The following KLF13 variants were observed in gnomAD, a reference collection of about 807,000 sequenced individuals.
The protein encoded by KLF13 is Krueppel-like factor 13.
A neutral mutation model predicts 16.7 loss-of-function variants in KLF13; 8 were observed. That is an observed-to-expected ratio of 0.48 (90% CI 0.28 to 0.87). The LOEUF (loss-of-function observed/expected upper bound fraction) is 0.87, where lower values mean the gene tolerates loss of function less well. KLF13 is among the 40% of genes least tolerant of loss of function. The pLI, the probability that KLF13 is intolerant of heterozygous loss-of-function variation, is 0.10. For missense variants in KLF13, 447 were observed against 452.2 expected (o/e 0.99, Z 0.10); for synonymous variants, 245 against 208.4 (o/e 1.18, Z -1.51).
rs552671066 is a variant in KLF13, at chr15:31,415,571, C to G, written n.118-19799C>G. Among the ~76,000 whole-genome samples, 15 of 152,120 alleles carry G rather than the reference C, an allele frequency of 9.9e-5. No individual in the cohort carries two copies. The South Asian group carries it at 3.1e-3, about 32-fold the overall frequency. ...ACAAAGAAAAAATAAAAAGGGAAGTCAGAAAATAGATTGATGTGAGTGAAA... is the reference window on the plus strand; with the variant it reads ...ACAAAGAAAAAATAAAAAGGGAAGTGAGAAAATAGATTGATGTGAGTGAAA... On this transcript the variant is annotated intron_variant and non_coding_transcript_variant, in intron 1 of 1. Coordinates refer to the KLF13 transcript ENST00000558225.
intron 1 of KLF13, 77 bp from the exon 2 acceptor site, chr15:31,371,933 G>A: frequency 4.1e-6 from 6 of 1,469,576 alleles, no homozygotes; most frequent in Non-Finnish European, 5.5e-6. Flanking sequence ...GGTGTTGGGT[G>A]TTGCGGGCCC....
At chr15:31,369,703 C>T (rs562718148) in intron 1 of KLF13, among the ~76,000 whole-genome samples, 1 of 152,198 alleles carries the variant, frequency 6.6e-6, no homozygotes, top group Non-Finnish European at 1.5e-5. Flanking sequence ...GTCTCTGCCT[C>T]ACTCTTGTCA....
At chr15:31,333,643 T>C (rs956538282) in intron 1 of KLF13, among the ~76,000 whole-genome samples, 2 of 152,202 alleles carry the variant, frequency 1.3e-5, no homozygotes, top group East Asian at 1.9e-4. Context: ...TTAAATATTA[T>C]ATATTATCTG....
At chr15:31,333,170 C>T (rs1281046970) in intron 1 of KLF13, among the ~76,000 whole-genome samples, 1 of 152,244 alleles carries the variant, frequency 6.6e-6, no homozygotes, top group East Asian at 1.9e-4. Flanking sequence ...CTAATCTTCA[C>T]AAGGACCCTA....
chr15:31,350,989 G>A (rs186640975), intron 1 of KLF13, among the ~76,000 whole-genome samples: 148 of 152,330 alleles, frequency 9.7e-4, no homozygotes, highest in African/African-American at 3.2e-3. Flanking sequence ...ATGGACATCC[G>A]AGTAAGAGTT....
intron 1 of KLF13, among the ~76,000 whole-genome samples, chr15:31,387,507 T>C (rs2039807793): frequency 2.0e-5 from 3 of 152,264 alleles, no homozygotes; most frequent in Non-Finnish European, 2.9e-5. Context: ...ACATAACTTT[T>C]ATATGCACTG....
chr15:31,361,526 G>A (rs2039387759), intron 1 of KLF13, among the ~76,000 whole-genome samples: 1 of 152,110 alleles, frequency 6.6e-6, no homozygotes, highest in Admixed American at 6.5e-5. Context: ...AGCAGGGTGG[G>A]GTCCCTGCAG....
intron 2 of KLF13, among the ~76,000 whole-genome samples, chr15:31,400,920 G>A (rs1454697523): frequency 6.6e-6 from 1 of 152,194 alleles, no homozygotes; most frequent in Non-Finnish European, 1.5e-5. Context: ...GCACCTGGAA[G>A]CGTCGCATCG....
chr15:31,349,950 A>G (rs1016819080), intron 1 of KLF13, among the ~76,000 whole-genome samples: 5 of 152,258 alleles, frequency 3.3e-5, no homozygotes, highest in Admixed American at 3.3e-4. Flanking sequence ...TGGCGGAACC[A>G]AAAGTACTCA....
chr15:31,370,826 C>T (rs971803288), intron 1 of KLF13, among the ~76,000 whole-genome samples: 1 of 152,180 alleles, frequency 6.6e-6, no homozygotes, highest in Non-Finnish European at 1.5e-5. Flanking sequence ...TTAAAATTTT[C>T]TTCTCTTTCC....
At chr15:31,406,552 T>C (rs1479160653), downstream of KLF13, among the ~76,000 whole-genome samples, 2 of 152,068 alleles carry the variant, frequency 1.3e-5, no homozygotes, top group Admixed American at 6.6e-5. Flanking sequence ...TGGAGGGAAG[T>C]GCAGTGTAAC....
At chr15:31,352,788 A>G (rs1226291348) in intron 1 of KLF13, among the ~76,000 whole-genome samples, 2 of 152,230 alleles carry the variant, frequency 1.3e-5, no homozygotes, top group South Asian at 2.1e-4. Flanking sequence ...AAAAGGCTGT[A>G]TTTAATCCCA....
rs2039587657 is a variant in KLF13, at chr15:31,373,335, A to G, written c.*1036A>G. On this transcript the variant is annotated 3_prime_UTR_variant, in exon 2 of 2. Coordinates refer to ENST00000307145, the MANE Select transcript of KLF13 (RefSeq NM_015995.4). ...TGCATGTGGCAGCGCACCATGCTTC[A>G]CAGAGACCATTCTGTAGCAAGAGAC... is the stretch of plus-strand genomic sequence containing the variant. The G allele has an allele frequency of 2.0e-5, 3 of 152,276 alleles. No homozygotes were observed. The highest frequency in any genetic ancestry group is 1.3e-4 in the Admixed American group (2 of 15,286). The allele number at this position is 152,276 out of a possible 1,614,324, so 9.4% of individuals were successfully genotyped here.
rs75182225 is a variant in KLF13 at position 31,327,726 on chromosome 15, G to A, written c.514G>A (p.Ala172Thr). 2.0e-5 allele frequency: 31 copies of A among 1,537,434 alleles called. No individual in the cohort carries two copies. The East Asian group carries it at 8.2e-4, about 41-fold the overall frequency. Residue 172 changes from alanine to threonine, a missense_variant, in exon 1 of 2, where the codon GCG (alanine) becomes ACG (threonine). Ala to Thr is a moderately conservative substitution (Grantham distance 58). Around this residue, in one of 2 missense-constraint regions of KLF13, gnomAD observed 359 missense variants for 282.8 expected, o/e 1.27. Transcript: ENST00000307145. The stretch of plus-strand genomic sequence containing the variant: ...GCAGAGGAAGCACAAGTGCCACTAC[G>A]CGGGCTGCGAGAAAGTTTACGGGAA... ...SPQRKHKCHYAGCEKVYGKSS... is the reference protein window; with the variant it reads ...SPQRKHKCHYTGCEKVYGKSS...
At chr15:31,395,302 T>A (rs1344500966) in intron 2 of KLF13, among the ~76,000 whole-genome samples, 1 of 152,180 alleles carries the variant, frequency 6.6e-6, no homozygotes, top group Non-Finnish European at 1.5e-5. Flanking sequence ...TATGGCTTGA[T>A]AATACTCTGT....
intron 2 of KLF13, among the ~76,000 whole-genome samples, chr15:31,403,170 T>G (rs759446999): frequency 2.0e-5 from 3 of 152,198 alleles, no homozygotes; most frequent in Non-Finnish European, 2.9e-5. Flanking sequence ...CCTCATTCTT[T>G]TAGTGTCTTT....
intron 1 of KLF13, among the ~76,000 whole-genome samples, chr15:31,356,598 T>A (rs1166538552): frequency 6.6e-6 from 1 of 152,254 alleles, no homozygotes; most frequent in African/African-American, 2.4e-5. Context: ...GTTCCTGCGT[T>A]AATTCACTTA....
intron 1 of KLF13, among the ~76,000 whole-genome samples, chr15:31,328,503 C>T (rs907929910): frequency 1.3e-5 from 2 of 152,056 alleles, no homozygotes; most frequent in African/African-American, 2.4e-5. Flanking sequence ...CCCTAGGCTC[C>T]TCGGCCTCGA....
chr15:31,395,756 G>C (rs1321565509), intron 2 of KLF13, among the ~76,000 whole-genome samples: 1 of 152,086 alleles, frequency 6.6e-6, no homozygotes, highest in African/African-American at 2.4e-5. Flanking sequence ...CTACAGTTTT[G>C]ACATTTAATT....
Sources: allele counts gnomAD v4.1 joint callset (sites outside exome capture counted in the v4.1 genomes callset), GRCh38; gene constraint gnomAD v4.1.1; regional missense constraint gnomAD v4.1.1; transcripts MANE v1.5; gene names NCBI Gene and HGNC (gene_info 2026-07-23, HGNC 2026-07-21).